RBFOX1: variants seen among roughly 807,000 people sequenced by gnomAD.
RBFOX1 encodes the protein RNA binding fox-1 homolog 1.
Under a neutral mutation model 57.7 loss-of-function variants are expected in RBFOX1, and 8 were observed. That is an observed-to-expected ratio of 0.14 (90% confidence interval 0.08 to 0.25). RBFOX1 has a LOEUF of 0.25. RBFOX1 is among the 10% of genes least tolerant of loss of function. The probability of loss-of-function intolerance (pLI) is 1.00; values close to 1 mark genes in which losing one functional copy is unlikely to be tolerated. For missense variants in RBFOX1, 611 were observed against 548.5 expected (o/e 1.11, Z -1.14); for synonymous variants, 326 against 222.4 (o/e 1.47, Z -4.15).
At chr16:7,103,462 A>G (rs1040992657) in intron 4 of RBFOX1, among the ~76,000 whole-genome samples, 1 of 152,202 alleles carries the variant, frequency 6.6e-6, no homozygotes, top group Non-Finnish European at 1.5e-5. Context: ...TGCTGAATTT[A>G]GAAATACAGT....
intron 14 of RBFOX1, among the ~76,000 whole-genome samples, chr16:7,687,338 A>G (rs764864763): frequency 3.3e-5 from 5 of 152,060 alleles, no homozygotes; most frequent in South Asian, 2.1e-4. Flanking sequence ...TGAAGGTGAT[A>G]AAACTGAAAT....
intron 1 of RBFOX1, chr16:5,467,182 C>CTG: frequency 1.4e-6 from 2 of 1,446,630 alleles, no homozygotes; most frequent in Non-Finnish European, 1.9e-6. Context: ...TCTTCTCTCT[C>CTG]TCTCTCTCTC....
chr16:6,377,237 G>T (rs975641636), intron 2 of RBFOX1, among the ~76,000 whole-genome samples: 1 of 143,922 alleles, frequency 6.9e-6, no homozygotes, highest in Non-Finnish European at 1.5e-5. Context: ...TCATGCAACT[G>T]CACTCCATCC....
At chr16:6,870,429 C>T (rs1030565466) in intron 3 of RBFOX1, among the ~76,000 whole-genome samples, 1 of 152,134 alleles carries the variant, frequency 6.6e-6, no homozygotes, top group Non-Finnish European at 1.5e-5. Flanking sequence ...CTTCTGATAC[C>T]TATAAATATC....
At chr16:6,764,989 A>T (rs2077127306) in intron 3 of RBFOX1, among the ~76,000 whole-genome samples, 1 of 152,026 alleles carries the variant, frequency 6.6e-6, no homozygotes, top group Non-Finnish European at 1.5e-5. Context: ...ATTGTAATGG[A>T]GAATCATAAT....
At chr16:7,444,274 A>T (rs2149995541) in intron 4 of RBFOX1, among the ~76,000 whole-genome samples, 1 of 152,252 alleles carries the variant, frequency 6.6e-6, no homozygotes, top group Non-Finnish European at 1.5e-5. Flanking sequence ...CATCCAGAAA[A>T]CGTGGGTGTG....
At chr16:5,968,696 G>T (rs2059901105) in intron 4 of RBFOX1, among the ~76,000 whole-genome samples, 1 of 151,790 alleles carries the variant, frequency 6.6e-6, no homozygotes. Flanking sequence ...ACTATTTGCA[G>T]GTATACTGTT....
intron 1 of RBFOX1, among the ~76,000 whole-genome samples, chr16:5,386,663 G>A (rs2066266576): frequency 6.6e-6 from 1 of 151,962 alleles, no homozygotes; most frequent in Admixed American, 6.6e-5. Flanking sequence ...TTTACCCCCG[G>A]CAGACTCCCA....
chr16:7,398,400 A>G (rs990813696), intron 4 of RBFOX1, among the ~76,000 whole-genome samples: 1 of 152,182 alleles, frequency 6.6e-6, no homozygotes, highest in Non-Finnish European at 1.5e-5. Context: ...AAGATGTAAG[A>G]TTTTGTTAAT....
rs1246463248 is a variant in RBFOX1, at chr16:5,277,832, A to G, written c.219+37727A>G. Among the ~76,000 whole-genome samples the G allele has an allele frequency of 2.6e-5, 4 of 152,242 alleles. No homozygotes were observed. In the East Asian group the frequency reaches 7.7e-4, roughly 29 times the overall value. ...ATTTAGCTGAAAATGACAGGATTTC[A>G]TTCTTTTTTATGGCTGAATAGTATT... On this transcript the variant is annotated intron_variant, in intron 1 of 2. Transcript: ENST00000585867.
chr16:6,904,350 C>T (rs1175499703), intron 3 of RBFOX1, among the ~76,000 whole-genome samples: 5 of 151,920 alleles, frequency 3.3e-5, no homozygotes, highest in Non-Finnish European at 7.4e-5. Flanking sequence ...CCTGTAATCC[C>T]AGCACCTTGG....
chr16:5,734,538 C>A (rs1389156744), intron 3 of RBFOX1, among the ~76,000 whole-genome samples: 2 of 152,304 alleles, frequency 1.3e-5, no homozygotes, highest in South Asian at 2.1e-4. Context: ...GCCAAAGAAA[C>A]CCTTGGTAGA....
chr16:6,620,534 C>G (rs2098213822), intron 2 of RBFOX1, among the ~76,000 whole-genome samples: 1 of 151,908 alleles, frequency 6.6e-6, no homozygotes, highest in Admixed American at 6.6e-5. Flanking sequence ...AAAAACCATT[C>G]AAAAGATCAA....
chr16:6,580,012 G>C (rs2097511938), intron 2 of RBFOX1, among the ~76,000 whole-genome samples: 1 of 151,994 alleles, frequency 6.6e-6, no homozygotes, highest in Non-Finnish European at 1.5e-5. Flanking sequence ...AGGCTGGAGT[G>C]CAGCGGTGTG....
intron 3 of RBFOX1, among the ~76,000 whole-genome samples, chr16:6,740,594 G>A (rs1480272738): frequency 2.6e-5 from 4 of 152,126 alleles, no homozygotes; most frequent in Admixed American, 2.6e-4. Context: ...ATTTCTTACA[G>A]TAAACAGATA....
At chr16:6,911,934 G>T (rs1370966848) in intron 3 of RBFOX1, among the ~76,000 whole-genome samples, 1 of 152,128 alleles carries the variant, frequency 6.6e-6, no homozygotes, top group African/African-American at 2.4e-5. Flanking sequence ...TAAGATTTGG[G>T]CAATACTTGG....
At chr16:7,081,240 G>C (rs758063080) in intron 4 of RBFOX1, among the ~76,000 whole-genome samples, 1 of 152,218 alleles carries the variant, frequency 6.6e-6, no homozygotes, top group Non-Finnish European at 1.5e-5. Flanking sequence ...TCGCCATGTT[G>C]GCTGGGCTGG....
chr16:5,568,528 G>A (rs747715353), intron 2 of RBFOX1, among the ~76,000 whole-genome samples: 2 of 152,176 alleles, frequency 1.3e-5, no homozygotes, highest in Non-Finnish European at 2.9e-5. Context: ...ACCAAGATAA[G>A]CGCGCAGGGG....
At chr16:6,256,149 A>ATATG (rs1555582096) in intron 1 of RBFOX1, among the ~76,000 whole-genome samples, 10 of 65,462 alleles carry the variant, frequency 1.5e-4, no homozygotes, top group East Asian at 8.4e-4. Flanking sequence ...GTGTGTATAT[A>ATATG]TATATATATG....
Sources: allele counts gnomAD v4.1 joint callset (sites outside exome capture counted in the v4.1 genomes callset), GRCh38; gene constraint gnomAD v4.1.1; transcripts MANE v1.5; gene names NCBI Gene and HGNC (gene_info 2026-07-23, HGNC 2026-07-21).